The following TFCP2 variants were observed in gnomAD, a reference collection of about 807,000 sequenced individuals.
TFCP2 encodes transcription factor CP2.
A neutral mutation model predicts 73.4 loss-of-function variants in TFCP2; 33 were observed. That is an observed-to-expected ratio of 0.45 (90% confidence interval 0.34 to 0.60). The LOEUF is 0.60. Ranked by LOEUF, TFCP2 falls within the 20% of genes least tolerant of loss-of-function variation. The pLI is 0.01. For synonymous variants in TFCP2, 193 were observed against 211.6 expected, an observed-to-expected ratio of 0.91 and a Z score of 0.76; for missense variants, 352 against 604.0, an observed-to-expected ratio of 0.58 and a Z score of 4.37.
intron 1 of TFCP2, among the ~76,000 whole-genome samples, chr12:51,139,854 C>T (rs568951500): frequency 1.3e-4 from 20 of 152,264 alleles, no homozygotes; most frequent in African/African-American, 4.3e-4. Context: ...TTGTCTCCTC[C>T]TCACCATTTT....
chr12:51,120,177 C>CAAAAAAAAAAAAAAAAAAAAAAAAAAAA (rs33982936), intron 1 of TFCP2, among the ~76,000 whole-genome samples: 6 of 57,302 alleles, frequency 1.0e-4, no homozygotes, highest in African/African-American at 1.4e-4. Flanking sequence ...GACTCTGTCT[C>CAAAAAAAAAAAAAAAAAAAAAAAAAAAA]AAAAAAAAAA....
At chr12:51,099,591 C>G in intron 12 of TFCP2, 64 bp downstream of exon 12, 2 of 1,578,724 alleles carry the variant, frequency 1.3e-6, no homozygotes, top group Non-Finnish European at 1.7e-6. Context: ...TCCCATCACA[C>G]ATGCCCATAA....
At chr12:51,138,858 G>A (rs557884649) in intron 1 of TFCP2, among the ~76,000 whole-genome samples, 137 of 151,442 alleles carry the variant, frequency 9.0e-4, no homozygotes, top group African/African-American at 3.2e-3. Context: ...GGCTGTTCTC[G>A]AACTCCCAAC....
chr12:51,096,058 A>G lies in TFCP2; in HGVS notation c.1420-18T>C, dbSNP rs1306142826. The G allele has an allele frequency of 2.5e-6, 4 of 1,608,072 alleles. No individual in the cohort carries two copies. In the Admixed American group the frequency reaches 6.7e-5, roughly 27 times the overall value. On this transcript the variant is annotated intron_variant, in intron 13 of 14. Transcript: ENST00000257915. ...TGTATCATCTGAAAAATGCAAGAAAATTTGTGATTATTTAAATGAAAAACA... is the reference window on the plus strand; with the variant it reads ...TGTATCATCTGAAAAATGCAAGAAAGTTTGTGATTATTTAAATGAAAAACA...
chr12:51,107,445 T>A (rs960871912), intron 6 of TFCP2, 99 bp from the exon 7 acceptor site: 2 of 913,358 alleles, frequency 2.2e-6, no homozygotes, highest in African/African-American at 3.3e-5. Context: ...AACAAAATTG[T>A]ATGTGCAGTG....
At chr12:51,130,880 G>A (rs903192111) in intron 1 of TFCP2, among the ~76,000 whole-genome samples, 16 of 151,704 alleles carry the variant, frequency 1.1e-4, no homozygotes, top group African/African-American at 3.1e-4. Context: ...CCAGCTACTC[G>A]AGAGGCTGAG....
chr12:51,153,827 T>C lies in TFCP2; in HGVS notation c.122+18474A>G, dbSNP rs1370772692. On this transcript the variant is annotated intron_variant, in intron 1 of 14. Transcript: ENST00000257915. ...TCCACCTTTTGGCTGTTGTGAATAATGTTGTTAAACATGGGTGTACAAATA... is the reference window on the plus strand; with the variant it reads ...TCCACCTTTTGGCTGTTGTGAATAACGTTGTTAAACATGGGTGTACAAATA... 2.6e-5 allele frequency among the ~76,000 whole-genome samples: 4 copies of C among 152,212 alleles called. No homozygotes were observed. The East Asian group carries it at 7.7e-4, about 29-fold the overall frequency.
intron 12 of TFCP2, 115 bp downstream of exon 12, chr12:51,099,540 T>A: frequency 7.4e-7 from 1 of 1,348,538 alleles, no homozygotes; most frequent in Non-Finnish European, 1.0e-6. Flanking sequence ...CTAGTGATTA[T>A]TGTTACTTCT....
At chr12:51,113,989 T>C (rs1940459146) in intron 4 of TFCP2, among the ~76,000 whole-genome samples, 1 of 151,956 alleles carries the variant, frequency 6.6e-6, no homozygotes, top group South Asian at 2.1e-4. Flanking sequence ...TATAAAACTC[T>C]TAGGAGAAAA....
intron 4 of TFCP2, among the ~76,000 whole-genome samples, chr12:51,111,304 C>T (rs1258792573): frequency 1.1e-4 from 16 of 151,830 alleles, no homozygotes; most frequent in South Asian, 4.2e-4. Flanking sequence ...CCACCACGCC[C>T]GGCTAATTTT....
Position 51,172,869 on chromosome 12 carries a change from G to GTC in TFCP2, c.-449_-448dup, listed in dbSNP as rs1228362767. On this transcript the variant is annotated 5_prime_UTR_variant, in exon 1 of 15. Coordinates refer to ENST00000257915, the MANE Select transcript of TFCP2 (RefSeq NM_005653.5). Reference sequence around the variant, plus strand: ...CTGCTGGAGGCCCCCTCCCTCCCAGGTCTCGCTCTCTCTTTCCCCTCCAGG... The same window carrying GTC: ...CTGCTGGAGGCCCCCTCCCTCCCAGGTCTCTCGCTCTCTCTTTCCCCTCCAGG... 3 of 174,044 alleles carry GTC rather than the reference G, an allele frequency of 1.7e-5. No homozygotes were observed. The highest frequency in any genetic ancestry group is 2.5e-5 in the Non-Finnish European group (2 of 79,632). The allele number at this position is 174,044 out of a possible 1,614,324, so 10.8% of individuals were successfully genotyped here.
intron 1 of TFCP2, among the ~76,000 whole-genome samples, chr12:51,122,989 A>G (rs1364595234): frequency 6.6e-6 from 1 of 152,228 alleles, no homozygotes; most frequent in African/African-American, 2.4e-5. Flanking sequence ...ATTTTGAAAC[A>G]TAGCAACAGT....
At chr12:51,136,673 C>T (rs539402350) in intron 1 of TFCP2, among the ~76,000 whole-genome samples, 56 of 152,114 alleles carry the variant, frequency 3.7e-4, no homozygotes, top group African/African-American at 1.3e-3. Flanking sequence ...CTGTGGTTCA[C>T]GCCTATAATC....
At chr12:51,109,795 C>T (rs1417023109) in intron 5 of TFCP2, among the ~76,000 whole-genome samples, 1 of 151,438 alleles carries the variant, frequency 6.6e-6, no homozygotes, top group East Asian at 1.9e-4. Flanking sequence ...CTCGGCTCAC[C>T]GCAACCTCCA....
chr12:51,115,049 G>A (rs1474456545), intron 4 of TFCP2, among the ~76,000 whole-genome samples: 3 of 64,226 alleles, frequency 4.7e-5, no homozygotes, highest in Non-Finnish European at 8.7e-5. Flanking sequence ...CAACAAGAGC[G>A]AAACTCCATC....
chr12:51,112,757 C>A (rs529923452), intron 4 of TFCP2, among the ~76,000 whole-genome samples: 1 of 151,692 alleles, frequency 6.6e-6, no homozygotes, highest in African/African-American at 2.4e-5. Flanking sequence ...ATCCCAGCTA[C>A]TCAGGAGTCT....
intron 5 of TFCP2, 104 bp from the exon 6 acceptor site, chr12:51,109,377 TG>T: frequency 8.7e-7 from 1 of 1,151,186 alleles, no homozygotes; most frequent in Non-Finnish European, 1.2e-6. Flanking sequence ...CCAGGCATTA[TG>T]AATACCTACA....
In TFCP2 at chr12:51,095,279, C is replaced by T; in HGVS notation, c.1472-1G>A. The T allele has an allele frequency of 6.2e-7, 1 of 1,613,508 alleles. No homozygotes were observed. Among genetic ancestry groups the T allele is most frequent in the Non-Finnish European group, 8.5e-7 (1 of 1,179,848 alleles). ...ATATGATAGCTATCATTGGTTTCTG[C>T]TGTTAAAAAAAAGAGAGAGAGAGAA... On this transcript the variant is annotated splice_acceptor_variant, in intron 14 of 14. Coordinates refer to ENST00000257915, the MANE Select transcript of TFCP2 (RefSeq NM_005653.5). LOFTEE classifies it high-confidence loss of function.
chr12:51,129,065 C>G (rs1940880270), intron 1 of TFCP2, among the ~76,000 whole-genome samples: 1 of 152,056 alleles, frequency 6.6e-6, no homozygotes, highest in African/African-American at 2.4e-5. Context: ...AAGTCTATTT[C>G]AAAGAGACAT....
Sources: gnomAD v4.1 joint callset for allele counts (sites outside exome capture counted in the v4.1 genomes callset) on GRCh38, gnomAD v4.1.1 for gene constraint, MANE v1.5 for transcripts, NCBI Gene and HGNC (gene_info 2026-07-23, HGNC 2026-07-21) for gene names.